Variants in TBP observed in about 807,000 individuals in gnomAD.
TBP encodes TATA-box binding protein, also known as TATA-box-binding protein.
In TBP, 12 loss-of-function variants were observed where a neutral mutation model predicts 46.2. The ratio of observed to expected loss-of-function variants is 0.26; its 90% confidence interval spans 0.17 to 0.42. TBP has a LOEUF of 0.42. Ranked by LOEUF, TBP falls within the 10% of genes least tolerant of loss-of-function variation. The pLI is 1.00. For synonymous variants in TBP, 157 were observed against 148.3 expected, an observed-to-expected ratio of 1.06 and a Z score of -0.42; for missense variants, 229 against 403.1, an observed-to-expected ratio of 0.57 and a Z score of 3.70.
In TBP at chr6:170,561,925, A is replaced by AG. The variant is rs1562359375; in HGVS notation, c.189_190insG (p.Gln64AlafsTer114). On this transcript the variant is annotated frameshift_variant, in exon 3 of 8. Coordinates refer to ENST00000392092, the MANE Select transcript of TBP (RefSeq NM_003194.5). LOFTEE classifies it high-confidence loss of function. ...AACAAAGGCAGCAGCAGCAACAACAACAGCAGCAGCAGCAGCAGCAGCAGC... is the reference window on the plus strand; with the variant it reads ...AACAAAGGCAGCAGCAGCAACAACAAGCAGCAGCAGCAGCAGCAGCAGCAGC... 21 of 981,294 alleles carry AG rather than the reference A, an allele frequency of 2.1e-5. No individual in the cohort carries two copies. The highest frequency in any genetic ancestry group is 6.1e-5 in the Admixed American group (3 of 49,478). The allele number at this position is 981,294 out of a possible 1,614,324, so 60.8% of individuals were successfully genotyped here.
intron 4 of TBP, among the ~76,000 whole-genome samples, chr6:170,565,793 C>G (rs556395221): frequency 6.6e-6 from 1 of 152,212 alleles, no homozygotes; most frequent in South Asian, 2.1e-4. Context: ...TTGTTAAAAG[C>G]CAGGCATGGT....
At position 170,568,815 on chromosome 6, in the gene TBP, C is replaced by CTTTTTTTTTTTTTTTTTTTT. The variant is rs377394208; in HGVS notation, c.678-789_678-770dup. Among the ~76,000 whole-genome samples, 52 of 62,602 alleles carry CTTTTTTTTTTTTTTTTTTTT rather than the reference C, an allele frequency of 8.3e-4. 16 individuals are homozygous for CTTTTTTTTTTTTTTTTTTTT. Among genetic ancestry groups the CTTTTTTTTTTTTTTTTTTTT allele is most frequent in the African/African-American group, 1.9e-3 (28 of 14,822 alleles). The allele number at this position is 62,602 out of a possible 152,430, so 41.1% of individuals were successfully genotyped here. A position where few individuals can be genotyped will look rare whatever the true frequency, so the allele number is the denominator to read the frequency against. ...TTCTCTTCTTTCTTTCTTTCCTTTT[C>CTTTTTTTTTTTTTTTTTTTT]TTTTTTTTTTTTTTTTTTTTTTTTT... On this transcript the variant is annotated intron_variant, in intron 5 of 7. Coordinates refer to ENST00000392092, the MANE Select transcript of TBP (RefSeq NM_003194.5).
chr6:170,562,513 A>G (rs1779169109), intron 3 of TBP, among the ~76,000 whole-genome samples: 1 of 152,208 alleles, frequency 6.6e-6, no homozygotes, highest in Non-Finnish European at 1.5e-5. Flanking sequence ...TTATTATTAT[A>G]TTATAGACAT....
rs1779377902 is a variant in TBP, at chr6:170,572,216, C to T, written c.971C>T (p.Ala324Val). 1.2e-6 allele frequency: 2 copies of T among 1,613,948 alleles called. No homozygotes were observed. Among genetic ancestry groups the T allele is most frequent in the Non-Finnish European group, 1.7e-6 (2 of 1,179,960 alleles). ...AAAGTCAGAGCAGAAATTTATGAAG[C>T]ATTTGAAAACATCTACCCTATTCTA... The part of the protein sequence containing the change: ...GAKVRAEIYE[A>V]FENIYPILKG... The change falls in exon 8 of 8, where the codon GCA (alanine) becomes GTA (valine). Residue 324 changes from alanine (A) to valine (V), a missense_variant. Physicochemically the swap from Ala to Val is moderately conservative, Grantham distance 64. Coordinates refer to ENST00000392092, the MANE Select transcript of TBP (RefSeq NM_003194.5).
chr6:170,568,686 C>G (rs1043473068), intron 5 of TBP, among the ~76,000 whole-genome samples: 1 of 151,826 alleles, frequency 6.6e-6, no homozygotes, highest in African/African-American at 2.4e-5. Context: ...ATCTCCTGAC[C>G]TCATGATCCG....
intron 4 of TBP, among the ~76,000 whole-genome samples, chr6:170,564,999 A>G (rs1290137546): frequency 2.0e-5 from 3 of 152,196 alleles, no homozygotes; most frequent in South Asian, 2.1e-4. Flanking sequence ...TCTACTAAAA[A>G]TACAAAAATT....
At position 170,561,795 on chromosome 6, in the gene TBP, C is replaced by G; in HGVS notation, c.59C>G (p.Ala20Gly). ...TTTTCTCCTTGCTTTCCACAGGGTG[C>G]CATGACTCCCGGAATCCCTATCTTT... ...YAQGLASPQG[A>G]MTPGIPIFSP... is the part of the protein sequence containing the mutation. Residue 20 changes from alanine to glycine, a missense_variant, in exon 3 of 8, where the codon GCC becomes GGC. Physicochemically the swap from Ala to Gly is moderately conservative, Grantham distance 60. Coordinates refer to ENST00000392092, the MANE Select transcript of TBP (RefSeq NM_003194.5). The G allele has an allele frequency of 1.2e-6, 2 of 1,607,988 alleles. No homozygotes were observed. The highest frequency in any genetic ancestry group is 8.5e-7 in the Non-Finnish European group (1 of 1,174,842).
At chr6:170,565,692 C>T (rs562480286) in intron 4 of TBP, among the ~76,000 whole-genome samples, 174 of 152,212 alleles carry the variant, frequency 1.1e-3, no homozygotes, top group Non-Finnish European at 2.2e-3. Context: ...CTAGGCTTTT[C>T]CTGGGACGTA....
At chr6:170,560,253 CTT>C (rs575538362) in intron 2 of TBP, among the ~76,000 whole-genome samples, 117 of 152,238 alleles carry the variant, frequency 7.7e-4, no homozygotes, top group African/African-American at 2.6e-3. Context: ...AATCTCAGTA[CTT>C]TGGGAGGCCA....
intron 2 of TBP, among the ~76,000 whole-genome samples, chr6:170,558,798 A>C: frequency 6.7e-6 from 1 of 150,358 alleles, no homozygotes; most frequent in East Asian, 1.9e-4. Flanking sequence ...TGTTCAAGCG[A>C]TTCTCCTGCC....
In TBP at chr6:170,568,071, A is replaced by G. The variant is rs997426756; in HGVS notation, c.677+1062A>G. Among the ~76,000 whole-genome samples, 9 of 152,352 alleles carry G rather than the reference A, an allele frequency of 5.9e-5. No individual in the cohort carries two copies. In the East Asian group the frequency reaches 1.5e-3, roughly 26 times the overall value. The stretch of plus-strand genomic sequence containing the variant: ...TGATGGGAATGCCATTGGTGTGGAC[A>G]TTCTGGCTCCTGATCTCCGAGGTTT... On this transcript the variant is annotated intron_variant, in intron 5 of 7. Coordinates refer to ENST00000392092, the MANE Select transcript of TBP (RefSeq NM_003194.5).
At chr6:170,568,795 T>TTCTG (rs1491137915) in intron 5 of TBP, among the ~76,000 whole-genome samples, 22 of 92,444 alleles carry the variant, frequency 2.4e-4, no homozygotes, top group Non-Finnish European at 8.3e-5. Context: ...TTTTTTTCTC[T>TTCTG]TCTTTCTTTC....
At chr6:170,568,815 C>CTT (rs377394208) in intron 5 of TBP, among the ~76,000 whole-genome samples, 929 of 62,572 alleles carry the variant, frequency 0.015, 268 homozygotes, top group African/African-American at 0.029. Flanking sequence ...CTTTCCTTTT[C>CTT]TTTTTTTTTT....
intron 2 of TBP, among the ~76,000 whole-genome samples, chr6:170,560,930 A>T (rs113287612): frequency 0.019 from 2,897 of 152,300 alleles, 99 homozygotes; most frequent in African/African-American, 0.067. Flanking sequence ...GTTTGAGAGG[A>T]TTGACTCCAA....
intron 1 of TBP, chr6:170,554,842 T>C (rs1001826962): frequency 6.6e-6 from 1 of 152,264 alleles, no homozygotes; most frequent in African/African-American, 2.4e-5. Flanking sequence ...TGTGCCCGCC[T>C]GTTTTGCTGC....
rs752657767 is a variant in TBP at position 170,572,178 on chromosome 6, C to T, written c.941-8C>T. The T allele has an allele frequency of 1.9e-6, 3 of 1,611,260 alleles. No individual in the cohort carries two copies. In the South Asian group the frequency reaches 3.3e-5, roughly 18 times the overall value. Reference sequence around the variant, plus strand: ...GTCTCTCATCTCTACTCCAACTTGTCTTCTTAGGTGCTAAAGTCAGAGCAG... The same window carrying T: ...GTCTCTCATCTCTACTCCAACTTGTTTTCTTAGGTGCTAAAGTCAGAGCAG... On this transcript the variant is annotated splice_region_variant and splice_polypyrimidine_tract_variant and intron_variant, in intron 7 of 7. Transcript: ENST00000392092.
Position 170,569,599 on chromosome 6 carries a change from T to C in TBP, c.678-13T>C. ...CTCTGAGTATGAATAACTCACTTTT[T>C]TCCTTTCCCTAGTGAAGAACAGTCC... On this transcript the variant is annotated splice_polypyrimidine_tract_variant and intron_variant, in intron 5 of 7. Coordinates refer to ENST00000392092, the MANE Select transcript of TBP (RefSeq NM_003194.5). The C allele has an allele frequency of 6.2e-7, 1 of 1,608,360 alleles. No homozygotes were observed. The highest frequency in any genetic ancestry group is 1.3e-5 in the African/African-American group (1 of 74,718).
rs1779165464 is a variant in TBP, at chr6:170,562,313, C to A, written c.497+80C>A. The A allele has an allele frequency of 2.8e-6, 4 of 1,434,968 alleles. No individual in the cohort carries two copies. The Admixed American group carries it at 8.4e-5, about 30-fold the overall frequency. The allele number at this position is 1,434,968 out of a possible 1,614,324, so 88.9% of individuals were successfully genotyped here. A position where few individuals can be genotyped will look rare whatever the true frequency, so the allele number is the denominator to read the frequency against. ...TTCCTGCTCTGTTTTCAGATGGATC[C>A]TTTTATTAAGGGAGGGAGTGGCACT... On this transcript the variant is annotated intron_variant, in intron 3 of 7. Transcript: ENST00000392092.
chr6:170,566,013 G>T (rs1042109990), intron 4 of TBP, among the ~76,000 whole-genome samples: 2 of 151,986 alleles, frequency 1.3e-5, no homozygotes, highest in Non-Finnish European at 2.9e-5. Flanking sequence ...ATTCGAGGCT[G>T]CAGTGAGCCA....
Sources: gnomAD v4.1 joint callset for allele counts (sites outside exome capture counted in the v4.1 genomes callset) on GRCh38, gnomAD v4.1.1 for gene constraint, MANE v1.5 for transcripts, NCBI Gene and HGNC (gene_info 2026-07-23, HGNC 2026-07-21) for gene names.